The following PSME4 variants were observed in gnomAD, a reference collection of about 807,000 sequenced individuals.
PSME4 encodes proteasome activator subunit 4, also known as proteasome activator complex subunit 4.
PSME4 carries 89 observed loss-of-function variants against 253.9 expected under a neutral mutation model. The ratio of observed to expected loss-of-function variants is 0.35; its 90% confidence interval spans 0.30 to 0.42. The LOEUF is 0.42. PSME4 is among the 10% of genes least tolerant of loss of function. The probability of loss-of-function intolerance (pLI) is 1.00; values close to 1 mark genes in which losing one functional copy is unlikely to be tolerated. For missense variants in PSME4, 2,014 were observed against 2,195.2 expected (o/e 0.92, Z 1.65); for synonymous variants, 851 against 759.2 (o/e 1.12, Z -1.99).
At chr2:53,932,547 T>C in intron 9 of PSME4, 121 bp downstream of exon 9, 2 of 778,072 alleles carry the variant, frequency 2.6e-6, no homozygotes, top group Non-Finnish European at 4.4e-6. Flanking sequence ...TGTAAGCATT[T>C]ACATATAGCT....
rs773903783 is a variant in PSME4, at chr2:53,934,744, A to G, written c.835-17T>C. 3.9e-6 allele frequency: 6 copies of G among 1,538,872 alleles called. No individual in the cohort carries two copies. In the Admixed American group the frequency reaches 8.5e-5, roughly 22 times the overall value. The stretch of plus-strand genomic sequence containing the variant: ...TGTAAATATCTTTTAAAAGAAAAAA[A>G]TAAGTAAGGATATTTACAGGTATCA... On this transcript the variant is annotated splice_polypyrimidine_tract_variant and intron_variant, in intron 7 of 46. Coordinates refer to ENST00000404125, the MANE Select transcript of PSME4 (RefSeq NM_014614.3).
At chr2:53,893,050 G>A in intron 35 of PSME4, 90 bp from the exon 36 acceptor site, 5 of 1,217,126 alleles carry the variant, frequency 4.1e-6, no homozygotes, top group Non-Finnish European at 5.6e-6. Flanking sequence ...TTACTAACGT[G>A]CTTAAAAGCT....
chr2:53,910,964 T>C (rs1240069166), intron 20 of PSME4, among the ~76,000 whole-genome samples: 1 of 152,154 alleles, frequency 6.6e-6, no homozygotes, highest in Non-Finnish European at 1.5e-5. Flanking sequence ...AACAGCAATC[T>C]TATTATTATT....
chr2:53,908,504 A>C lies in PSME4; in HGVS notation c.2685+6T>G. The C allele has an allele frequency of 6.2e-7, 1 of 1,610,696 alleles. No homozygotes were observed. The highest frequency in any genetic ancestry group is 8.5e-7 in the Non-Finnish European group (1 of 1,178,254). On this transcript the variant is annotated splice_donor_region_variant and intron_variant, in intron 23 of 46. Coordinates refer to ENST00000404125, the MANE Select transcript of PSME4 (RefSeq NM_014614.3). ...TCATTATGCAACTATCAAATGACAAATGTACCTTTATAATAAGAAACAATG... is the reference window on the plus strand; with the variant it reads ...TCATTATGCAACTATCAAATGACAACTGTACCTTTATAATAAGAAACAATG...
intron 1 of PSME4, among the ~76,000 whole-genome samples, chr2:53,954,253 G>A (rs1204836607): frequency 2.0e-5 from 3 of 151,886 alleles, no homozygotes; most frequent in Admixed American, 1.3e-4. Flanking sequence ...GCTTGAACCC[G>A]GGAGGCAGAG....
At chr2:53,953,108 T>C (rs575224052) in intron 1 of PSME4, among the ~76,000 whole-genome samples, 2 of 152,350 alleles carry the variant, frequency 1.3e-5, no homozygotes, top group East Asian at 1.9e-4. Context: ...AGAAAGCTTC[T>C]ATTTCCCCCA....
chr2:53,922,140 C>T (rs1002351653), intron 17 of PSME4, among the ~76,000 whole-genome samples: 1 of 151,942 alleles, frequency 6.6e-6, no homozygotes, highest in Non-Finnish European at 1.5e-5. Context: ...CCACTGCACT[C>T]CAGCGTGGGC....
At chr2:53,873,921 G>A (rs1015779415) in intron 43 of PSME4, among the ~76,000 whole-genome samples, 2 of 151,996 alleles carry the variant, frequency 1.3e-5, no homozygotes, top group Admixed American at 6.6e-5. Context: ...CATGATTAGG[G>A]TATCAAAATT....
chr2:53,898,501 C>A, intron 29 of PSME4, 147 bp from the exon 30 acceptor site: 2 of 599,016 alleles, frequency 3.3e-6, no homozygotes, highest in South Asian at 2.8e-5. Flanking sequence ...GAGAAGCAAG[C>A]CAGAATGAAA....
rs774543933 is a variant in PSME4 at position 53,949,309 on chromosome 2, T to C, written c.243-26A>G. On this transcript the variant is annotated intron_variant, in intron 1 of 46. Coordinates refer to ENST00000404125, the MANE Select transcript of PSME4 (RefSeq NM_014614.3). The stretch of plus-strand genomic sequence containing the variant: ...CTGCAAGAGAAAAATAGATATACCC[T>C]TTAAAAATAGGTATGATGACACATC... 2.1e-6 allele frequency: 3 copies of C among 1,443,586 alleles called. No individual in the cohort carries two copies. In the South Asian group the frequency reaches 3.9e-5, roughly 19 times the overall value. 89.4% of individuals were successfully genotyped at this position (1,443,586 alleles called of 1,614,324 possible). A position where few individuals can be genotyped will look rare whatever the true frequency, so the allele number is the denominator to read the frequency against.
chr2:53,868,551 TTATAATATA>T lies in PSME4; in HGVS notation c.5263+816_5263+824del, dbSNP rs1264994444. ...TATATAATATATATTATAAATATAT[TTATAATATA>T]TATAATATATATTATAAAATATATT... On this transcript the variant is annotated intron_variant, in intron 44 of 46. Transcript: ENST00000404125. 5.5e-5 allele frequency among the ~76,000 whole-genome samples: 3 copies of T among 54,146 alleles called. 1 individual carries two copies. The highest frequency in any genetic ancestry group is 1.8e-4 in the African/African-American group (3 of 16,806). 35.5% of individuals were successfully genotyped at this position (54,146 alleles called of 152,430 possible).
Position 53,913,474 on chromosome 2 carries a change from T to C in PSME4, c.2517-3344A>G, listed in dbSNP as rs889130177. Among the ~76,000 whole-genome samples the C allele has an allele frequency of 3.9e-5, 6 of 152,308 alleles. No homozygotes were observed. The South Asian group carries it at 1.2e-3, about 32-fold the overall frequency. On this transcript the variant is annotated intron_variant, in intron 20 of 46. Coordinates refer to ENST00000404125, the MANE Select transcript of PSME4 (RefSeq NM_014614.3). The stretch of plus-strand genomic sequence containing the variant: ...GTCATGAAACAGCTGTAAACAATAA[T>C]ATAAAATTCTTCCTGTGTATAAGTG...
intron 17 of PSME4, among the ~76,000 whole-genome samples, chr2:53,922,159 G>A (rs976774299): frequency 6.6e-6 from 1 of 151,666 alleles, no homozygotes; most frequent in East Asian, 1.9e-4. Context: ...GCGATAGTGA[G>A]ACAAAAAGAA....
intron 12 of PSME4, 43 bp downstream of exon 12, chr2:53,927,351 A>G (rs1458210364): frequency 3.0e-6 from 4 of 1,349,658 alleles, no homozygotes; most frequent in South Asian, 1.2e-5. Context: ...TGCAATAATA[A>G]TTAGAACATC....
chr2:53,963,278 A>C (rs1301711088), intron 1 of PSME4, among the ~76,000 whole-genome samples: 1 of 152,006 alleles, frequency 6.6e-6, no homozygotes, highest in Non-Finnish European at 1.5e-5. Context: ...ACAGGGGGGT[A>C]TGATTGCACT....
chr2:53,872,094 C>T (rs1678905563), intron 43 of PSME4, among the ~76,000 whole-genome samples: 1 of 152,112 alleles, frequency 6.6e-6, no homozygotes, highest in Non-Finnish European at 1.5e-5. Context: ...TTATTTTTCT[C>T]TTACTTCAAA....
chr2:53,936,304 A>T (rs1298826789), intron 6 of PSME4, 143 bp from the exon 7 acceptor site: 3 of 1,234,880 alleles, frequency 2.4e-6, no homozygotes, highest in Non-Finnish European at 3.1e-6. Context: ...TGTTTTTTTT[A>T]AAACCTCCAA....
chr2:53,915,252 G>C (rs1200681378), intron 20 of PSME4, among the ~76,000 whole-genome samples: 1 of 151,952 alleles, frequency 6.6e-6, no homozygotes, highest in Admixed American at 6.6e-5. Context: ...ACCAGCCTAG[G>C]CAACAAAGCG....
chr2:53,957,268 T>C (rs1006447177), intron 1 of PSME4, among the ~76,000 whole-genome samples: 2 of 152,198 alleles, frequency 1.3e-5, no homozygotes, highest in African/African-American at 4.8e-5. Flanking sequence ...TTTGGGATGA[T>C]TTGAGGACAT....
Sources: allele counts gnomAD v4.1 joint callset (sites outside exome capture counted in the v4.1 genomes callset), GRCh38; gene constraint gnomAD v4.1.1; transcripts MANE v1.5; gene names NCBI Gene and HGNC (gene_info 2026-07-23, HGNC 2026-07-21).